Variants in TUSC3 observed in about 807,000 individuals in gnomAD.
TUSC3 encodes the protein dolichyl-diphosphooligosaccharide--protein glycosyltransferase subunit TUSC3.
TUSC3 carries 45 observed loss-of-function variants against 44.8 expected under a neutral mutation model. The ratio of observed to expected loss-of-function variants is 1.00; its 90% CI spans 0.79 to 1.29. The LOEUF (loss-of-function observed/expected upper bound fraction) is 1.29. Ranked by LOEUF, TUSC3 falls within the 50% of genes most tolerant of loss-of-function variation. The pLI, the probability that TUSC3 is intolerant of heterozygous loss-of-function variation, is 0.00. For synonymous variants in TUSC3, 212 were observed against 152.9 expected, an observed-to-expected ratio of 1.39 and a Z score of -2.85; for missense variants, 519 against 437.9, an observed-to-expected ratio of 1.19 and a Z score of -1.65.
intron 1 of TUSC3, among the ~76,000 whole-genome samples, chr8:15,471,597 C>T (rs965477042): frequency 1.5e-4 from 23 of 150,820 alleles, no homozygotes; most frequent in Admixed American, 6.6e-4. Context: ...TTACTTATAA[C>T]GGAAATTTCT....
rs143426703 is a variant in TUSC3 at position 15,705,466 on chromosome 8, A to G, written c.799-25200A>G. Among the ~76,000 whole-genome samples the G allele has an allele frequency of 3.0e-3, 459 of 152,228 alleles. 3 individuals are homozygous for G. The highest frequency in any genetic ancestry group is 9.8e-3 in the African/African-American group (409 of 41,552). On this transcript the variant is annotated intron_variant, in intron 6 of 10. Transcript: ENST00000503731. The stretch of plus-strand genomic sequence containing the variant: ...ATCACCTAACAGTAACGTGTAGTGT[A>G]TATAAATAAAAATTTATATAAACTC...
chr8:15,539,810 A>G (rs1006405180), upstream of TUSC3, among the ~76,000 whole-genome samples: 1 of 152,106 alleles, frequency 6.6e-6, no homozygotes, highest in Admixed American at 6.5e-5. Context: ...CAGGCCTTCC[A>G]GTGGGGCTGG....
intron 2 of TUSC3, among the ~76,000 whole-genome samples, chr8:15,496,766 C>G (rs1225982256): frequency 6.6e-6 from 1 of 152,168 alleles, no homozygotes; most frequent in Non-Finnish European, 1.5e-5. Flanking sequence ...CGTTTTAGCA[C>G]GGTCATTACA....
At chr8:15,583,332 G>A (rs376484829) in intron 1 of TUSC3, among the ~76,000 whole-genome samples, 20 of 152,172 alleles carry the variant, frequency 1.3e-4, no homozygotes, top group Middle Eastern at 3.4e-3. Context: ...AATAAAATGC[G>A]GAACTAATAA....
Position 15,763,924 on chromosome 8 carries a change from T to C in TUSC3, c.*47-279T>C, listed in dbSNP as rs368309910. Among the ~76,000 whole-genome samples, 627 of 152,204 alleles carry C rather than the reference T, an allele frequency of 4.1e-3. 4 individuals are homozygous for C. Among genetic ancestry groups the C allele is most frequent in the African/African-American group, 0.014 (602 of 41,560 alleles). On this transcript the variant is annotated intron_variant, in intron 10 of 10. Transcript: ENST00000503731. ...ATTTTAAATGCTGATTTAACTGCTG[T>C]TCTAGCCAGCAATGAAAGGAATGTC...
chr8:15,788,770 T>C, the TUSC3 span, among the ~76,000 whole-genome samples: 2 of 152,102 alleles, frequency 1.3e-5, no homozygotes, highest in Non-Finnish European at 2.9e-5. Flanking sequence ...AAACAGGGCT[T>C]AATGGCACTG....
chr8:15,730,674 T>C lies in TUSC3; in HGVS notation c.807T>C (p.Ile269=). ...KNPHNGQVSY[I]HGSSQAQFVA... is the part of the protein sequence containing the mutation. ...TTTGTCTTCTTTTATAGAGCTACAT[T>C]CATGGGAGCAGCCAGGCTCAGTTTG... Residue 269 remains isoleucine, a synonymous_variant, in exon 7 of 11, where the codon ATT becomes ATC. Coordinates refer to ENST00000503731, the MANE Select transcript of TUSC3 (RefSeq NM_006765.4). The C allele has an allele frequency of 6.2e-7, 1 of 1,613,074 alleles. No homozygotes were observed. Among genetic ancestry groups the C allele is most frequent in the African/African-American group, 1.3e-5 (1 of 75,008 alleles).
At chr8:15,589,906 T>G (rs2129149888) in intron 1 of TUSC3, among the ~76,000 whole-genome samples, 1 of 152,294 alleles carries the variant, frequency 6.6e-6, no homozygotes, top group South Asian at 2.1e-4. Context: ...CTAGTGAGGA[T>G]AGAGTAGGAA....
At chr8:15,683,431 C>T (rs1051820736) in intron 6 of TUSC3, among the ~76,000 whole-genome samples, 4 of 151,934 alleles carry the variant, frequency 2.6e-5, no homozygotes, top group Admixed American at 2.6e-4. Flanking sequence ...TTGATCTAGT[C>T]TATTGTTAAG....
intron 9 of TUSC3, among the ~76,000 whole-genome samples, chr8:15,751,877 G>C (rs1287756753): frequency 1.3e-5 from 2 of 152,142 alleles, no homozygotes; most frequent in African/African-American, 4.8e-5. Flanking sequence ...AGAATCAGGT[G>C]AATAGTTACC....
chr8:15,779,601 C>A, the TUSC3 span, among the ~76,000 whole-genome samples: 7 of 152,106 alleles, frequency 4.6e-5, no homozygotes, highest in Non-Finnish European at 8.8e-5. Context: ...TATGTTCTTA[C>A]AATTTACATC....
chr8:15,759,540 A>T (rs352803), intron 10 of TUSC3, among the ~76,000 whole-genome samples: 4,395 of 152,186 alleles, frequency 0.029, 192 homozygotes, highest in African/African-American at 0.098. Flanking sequence ...CAGATATTTC[A>T]CAGGAAGGGA....
intron 2 of TUSC3, among the ~76,000 whole-genome samples, chr8:15,527,261 G>A (rs1801385739): frequency 6.6e-6 from 1 of 152,100 alleles, no homozygotes; most frequent in Admixed American, 6.6e-5. Flanking sequence ...CTGTCACCCA[G>A]GCTGGAGTAT....
At chr8:15,603,859 C>T (rs1234684099) in intron 1 of TUSC3, among the ~76,000 whole-genome samples, 2 of 151,310 alleles carry the variant, frequency 1.3e-5, no homozygotes, top group Non-Finnish European at 3.0e-5. Context: ...ATGTTTTTCC[C>T]CTTTTTCAAG....
At chr8:15,751,204 A>G (rs115238570) in intron 9 of TUSC3, among the ~76,000 whole-genome samples, 1 of 152,282 alleles carries the variant, frequency 6.6e-6, no homozygotes, top group African/African-American at 2.4e-5. Flanking sequence ...ATTTTAGGTA[A>G]TGGGAGGTTT....
At chr8:15,531,472 G>GA (rs1330298241) in intron 2 of TUSC3, among the ~76,000 whole-genome samples, 124 of 152,242 alleles carry the variant, frequency 8.1e-4, no homozygotes, top group African/African-American at 2.4e-3. Context: ...GGCTGGTCTC[G>GA]AACTCCTGAC....
At chr8:15,586,150 A>G (rs763343977) in intron 1 of TUSC3, among the ~76,000 whole-genome samples, 28 of 152,348 alleles carry the variant, frequency 1.8e-4, no homozygotes, top group Non-Finnish European at 2.8e-4. Context: ...AGAAGTATCC[A>G]TATATTTGCC....
intron 1 of TUSC3, among the ~76,000 whole-genome samples, chr8:15,422,063 C>T (rs1248506652): frequency 6.6e-6 from 1 of 152,106 alleles, no homozygotes; most frequent in Non-Finnish European, 1.5e-5. Flanking sequence ...TCTCTAGATT[C>T]TTTTCTTTAC....
At chr8:15,466,222 A>C (rs1800412407) in intron 1 of TUSC3, among the ~76,000 whole-genome samples, 1 of 152,184 alleles carries the variant, frequency 6.6e-6, no homozygotes, top group Admixed American at 6.5e-5. Flanking sequence ...TAACTGTAGC[A>C]GACACATTTC....
Sources: allele counts gnomAD v4.1 joint callset (sites outside exome capture counted in the v4.1 genomes callset), GRCh38; gene constraint gnomAD v4.1.1; transcripts MANE v1.5; gene names NCBI Gene and HGNC (gene_info 2026-07-23, HGNC 2026-07-21).